The following NOX4 variants were observed in gnomAD, a reference collection of about 807,000 sequenced individuals.
NOX4 encodes kidney oxidase-1.
NOX4 carries 69 observed loss-of-function variants against 87.6 expected under a neutral mutation model. The ratio of observed to expected loss-of-function variants is 0.79; its 90% CI spans 0.65 to 0.96. The LOEUF (loss-of-function observed/expected upper bound fraction) is 0.96. Among genes scored for constraint, NOX4 ranks in the 40% least tolerant of loss-of-function variants. NOX4 has a pLI of 0.00. For missense variants in NOX4, 680 were observed against 681.5 expected, an observed-to-expected ratio of 1.00 and a Z score of 0.02; for synonymous variants, 275 against 238.2, an observed-to-expected ratio of 1.15 and a Z score of -1.42.
chr11:89,567,633 G>A, the NOX4 span, among the ~76,000 whole-genome samples: 5 of 152,154 alleles, frequency 3.3e-5, no homozygotes, highest in African/African-American at 1.2e-4. Context: ...AAAACCATCA[G>A]ATCTCATGAG....
chr11:89,506,353 C>T, the NOX4 span, among the ~76,000 whole-genome samples: 8 of 149,822 alleles, frequency 5.3e-5, no homozygotes, highest in South Asian at 6.4e-4. Context: ...AGAAAAAGAA[C>T]GAAGGAAGAA....
Position 89,325,115 on chromosome 11 carries a change from C to CTTTTTTTTTTTTTTTTTTTTTTTTTTT in NOX4, c.*1614_*1640dup, listed in dbSNP as rs141198784. On this transcript the variant is annotated 3_prime_UTR_variant, in exon 18 of 18. Coordinates refer to ENST00000263317, the MANE Select transcript of NOX4 (RefSeq NM_016931.5). Reference sequence around the variant, plus strand: ...ACTAAACTGTATGAATGCTTTAATTCTTTTTTTTTTTTTTTTTTTTTTTTT... The same window carrying CTTTTTTTTTTTTTTTTTTTTTTTTTTT: ...ACTAAACTGTATGAATGCTTTAATTCTTTTTTTTTTTTTTTTTTTTTTTTTTTTTTTTTTTTTTTTTTTTTTTTTTTT... 5 of 76,328 alleles carry CTTTTTTTTTTTTTTTTTTTTTTTTTTT rather than the reference C, an allele frequency of 6.6e-5. No homozygotes were observed. Among genetic ancestry groups the CTTTTTTTTTTTTTTTTTTTTTTTTTTT allele is most frequent in the East Asian group, 4.8e-4 (1 of 2,094 alleles). 4.7% of individuals were successfully genotyped at this position (76,328 alleles called of 1,614,324 possible). A position where few individuals can be genotyped will look rare whatever the true frequency, so the allele number is the denominator to read the frequency against.
rs369467142 is a variant in NOX4 at position 89,491,280 on chromosome 11, G to A, written c.-34C>T. On this transcript the variant is annotated 5_prime_UTR_variant, in exon 1 of 18. Coordinates refer to ENST00000263317, the MANE Select transcript of NOX4 (RefSeq NM_016931.5). ...CCCCGCCGCGCTGCGCTCTGTGCCC[G>A]CCGGACCGAGAAGGAGCGGGCGGCG... The A allele has an allele frequency of 3.1e-6, 5 of 1,601,038 alleles. No homozygotes were observed. The highest frequency in any genetic ancestry group is 1.7e-5 in the Admixed American group (1 of 57,956).
the NOX4 span, among the ~76,000 whole-genome samples, chr11:89,554,148 G>A: frequency 6.6e-6 from 1 of 151,278 alleles, no homozygotes; most frequent in Non-Finnish European, 1.5e-5. Context: ...TAAAGTAAAT[G>A]CTCAAAATAA....
At chr11:89,339,481 A>C (rs1945879675) in intron 15 of NOX4, among the ~76,000 whole-genome samples, 1 of 152,216 alleles carries the variant, frequency 6.6e-6, no homozygotes, top group Non-Finnish European at 1.5e-5. Flanking sequence ...AAATATTTGT[A>C]GCAAGGATAC....
At chr11:89,335,354 G>A (rs1237456297) in intron 17 of NOX4, among the ~76,000 whole-genome samples, 2 of 151,384 alleles carry the variant, frequency 1.3e-5, no homozygotes, top group Non-Finnish European at 3.0e-5. Flanking sequence ...TAATATTTTT[G>A]GAAATATTCT....
chr11:89,554,685 C>T, the NOX4 span, among the ~76,000 whole-genome samples: 3 of 151,990 alleles, frequency 2.0e-5, no homozygotes, highest in African/African-American at 7.2e-5. Context: ...ATCTATGACC[C>T]TCAGTTGTAT....
the NOX4 span, among the ~76,000 whole-genome samples, chr11:89,550,402 T>C: frequency 6.6e-6 from 1 of 152,082 alleles, no homozygotes; most frequent in East Asian, 1.9e-4. Flanking sequence ...GCCAGGTTGG[T>C]CTTGAACTCC....
At chr11:89,571,231 T>C in the NOX4 span, among the ~76,000 whole-genome samples, 1 of 152,230 alleles carries the variant, frequency 6.6e-6, no homozygotes, top group Non-Finnish European at 1.5e-5. Context: ...TTTACTCTCT[T>C]GATGGCATAT....
intron 14 of NOX4, among the ~76,000 whole-genome samples, chr11:89,341,400 G>T (rs148821198): frequency 0.013 from 1,930 of 152,146 alleles, 49 homozygotes; most frequent in African/African-American, 0.044. Context: ...TGGGATTACA[G>T]GTGTGAGCCA....
intron 11 of NOX4, among the ~76,000 whole-genome samples, 169 bp from the exon 12 acceptor site, chr11:89,373,661 T>A (rs1939625573): frequency 6.6e-6 from 1 of 151,906 alleles, no homozygotes; most frequent in African/African-American, 2.4e-5. Flanking sequence ...AAAATCAATG[T>A]CAACAGGTCA....
At chr11:89,428,669 C>T (rs1346395139) in intron 7 of NOX4, among the ~76,000 whole-genome samples, 1 of 152,126 alleles carries the variant, frequency 6.6e-6, no homozygotes, top group Admixed American at 6.6e-5. Context: ...AGCTAACTAT[C>T]CTAAATATAT....
chr11:89,442,634 GA>G (rs912207434), intron 5 of NOX4, among the ~76,000 whole-genome samples: 2 of 151,976 alleles, frequency 1.3e-5, no homozygotes, highest in African/African-American at 4.8e-5. Flanking sequence ...CAAAATATCA[GA>G]AAAAAACATA....
chr11:89,442,605 T>C (rs995741759), intron 5 of NOX4, among the ~76,000 whole-genome samples: 1 of 152,148 alleles, frequency 6.6e-6, no homozygotes, highest in African/African-American at 2.4e-5. Flanking sequence ...CCAAGGAATA[T>C]ATACCATAAA....
At chr11:89,408,810 G>A (rs1489181542) in intron 8 of NOX4, among the ~76,000 whole-genome samples, 1 of 152,152 alleles carries the variant, frequency 6.6e-6, no homozygotes, top group Non-Finnish European at 1.5e-5. Context: ...TTACTGCTCT[G>A]TTGTCATTAT....
At chr11:89,338,940 T>A (rs1203235267) in intron 15 of NOX4, among the ~76,000 whole-genome samples, 1 of 152,162 alleles carries the variant, frequency 6.6e-6, no homozygotes, top group Non-Finnish European at 1.5e-5. Context: ...TGATGCTGGA[T>A]GTATTTATTG....
intron 8 of NOX4, among the ~76,000 whole-genome samples, chr11:89,407,046 T>C (rs140061589): frequency 1.3e-5 from 2 of 152,208 alleles, no homozygotes; most frequent in East Asian, 3.9e-4. Context: ...GGATCATGTC[T>C]TATGCATTTA....
At chr11:89,357,837 A>C (rs1275981586) in intron 12 of NOX4, among the ~76,000 whole-genome samples, 1 of 152,148 alleles carries the variant, frequency 6.6e-6, no homozygotes, top group African/African-American at 2.4e-5. Context: ...CATAAAGGAC[A>C]TATGACAATA....
intron 4 of NOX4, among the ~76,000 whole-genome samples, chr11:89,448,356 G>A (rs1223755994): frequency 2.0e-5 from 3 of 152,038 alleles, no homozygotes; most frequent in Non-Finnish European, 2.9e-5. Flanking sequence ...CTTACTTTCT[G>A]TTCCAAAAAT....
Sources: allele counts gnomAD v4.1 joint callset (sites outside exome capture counted in the v4.1 genomes callset), GRCh38; gene constraint gnomAD v4.1.1; transcripts MANE v1.5; gene names NCBI Gene and HGNC (gene_info 2026-07-23, HGNC 2026-07-21).